DENND6A: variants seen among roughly 807,000 people sequenced by gnomAD.
DENND6A encodes the protein protein DENND6A.
Under a neutral mutation model 95.5 loss-of-function variants are expected in DENND6A, and 43 were observed. The observed-to-expected ratio is 0.45, with a 90% CI of 0.35 to 0.58. The LOEUF (loss-of-function observed/expected upper bound fraction) is 0.58, where lower values mean the gene tolerates loss of function less well. DENND6A is among the 20% of genes least tolerant of loss of function. DENND6A has a pLI of 0.00. For missense variants in DENND6A, 574 were observed against 736.0 expected, an observed-to-expected ratio of 0.78 and a Z score of 2.55; for synonymous variants, 257 against 260.4, an observed-to-expected ratio of 0.99 and a Z score of 0.13.
intron 1 of DENND6A, among the ~76,000 whole-genome samples, chr3:57,678,608 T>G (rs1317900879): frequency 6.6e-6 from 1 of 152,108 alleles, no homozygotes; most frequent in Non-Finnish European, 1.5e-5. Flanking sequence ...AGGTCATGAG[T>G]GTAGAGCTCA....
chr3:57,680,441 C>A (rs543534382), intron 1 of DENND6A, among the ~76,000 whole-genome samples: 1 of 152,176 alleles, frequency 6.6e-6, no homozygotes, highest in Non-Finnish European at 1.5e-5. Context: ...CAAAGAGACC[C>A]GAGAGCTAGC....
intron 10 of DENND6A, among the ~76,000 whole-genome samples, 169 bp downstream of exon 10, chr3:57,646,147 A>T (rs1189189991): frequency 6.6e-6 from 1 of 152,224 alleles, no homozygotes; most frequent in Non-Finnish European, 1.5e-5. Flanking sequence ...TCTCATCCAT[A>T]AAATGGTGCT....
At chr3:57,685,080 ATT>A (rs555883578) in intron 1 of DENND6A, among the ~76,000 whole-genome samples, 1 of 142,430 alleles carries the variant, frequency 7.0e-6, no homozygotes. Context: ...TGCCTGGCTA[ATT>A]TTTTTTTTTT....
At chr3:57,667,697 C>T (rs1184541000) in intron 3 of DENND6A, among the ~76,000 whole-genome samples, 2 of 152,098 alleles carry the variant, frequency 1.3e-5, no homozygotes, top group African/African-American at 4.8e-5. Context: ...GTTACTGTTC[C>T]ATAACCAAAT....
rs369478530 is a variant in DENND6A, at chr3:57,692,656, G to A, written c.237+126C>T. On this transcript the variant is annotated intron_variant, in intron 1 of 19. Transcript: ENST00000311128. ...CGCAGCCCGAAAGAGCGCGGGAGGG[G>A]AGACTGGCCACGCCCGGATGCGCCG... The A allele has an allele frequency of 9.4e-5, 79 of 842,296 alleles. 2 individuals are homozygous for A. In the South Asian group the frequency reaches 1.6e-3, roughly 17 times the overall value. The allele number at this position is 842,296 out of a possible 1,614,324, so 52.2% of individuals were successfully genotyped here. A position where few individuals can be genotyped will look rare whatever the true frequency, so the allele number is the denominator to read the frequency against.
At chr3:57,649,630 GAAAA>G (rs10576642) in intron 9 of DENND6A, among the ~76,000 whole-genome samples, 1 of 146,306 alleles carries the variant, frequency 6.8e-6, no homozygotes, top group African/African-American at 2.5e-5. Flanking sequence ...ATCAATGAGT[GAAAA>G]AAAAAAAATA....
intron 5 of DENND6A, 110 bp downstream of exon 5, chr3:57,663,526 T>C (rs1205244466): frequency 8.2e-6 from 4 of 488,680 alleles, no homozygotes; most frequent in Non-Finnish European, 1.4e-5. Context: ...ATATATAGCA[T>C]GTTTAAAGAT....
chr3:57,666,152 A>T lies in DENND6A; in HGVS notation c.403T>A (p.Phe135Ile). Residue 135 changes from phenylalanine (F) to isoleucine (I), a missense_variant, in exon 4 of 20, where the codon TTT becomes ATT. Around this residue, in one of 2 missense-constraint regions of DENND6A, gnomAD observed 452 missense variants for 630.9 expected, o/e 0.72. Coordinates refer to ENST00000311128, the MANE Select transcript of DENND6A (RefSeq NM_152678.3). ...AAGTAAACTGGTAAATCTTTGTCAAATTGATCCAGGAGACAATGCAGCGAC... is the reference window on the plus strand; with the variant it reads ...AAGTAAACTGGTAAATCTTTGTCAATTTGATCCAGGAGACAATGCAGCGAC... ...RVSLHCLLDQ[F>I]DKDLPVYLKK... 6.2e-7 allele frequency: 1 copy of T among 1,613,882 alleles called. No homozygotes were observed. Among genetic ancestry groups the T allele is most frequent in the Non-Finnish European group, 8.5e-7 (1 of 1,179,872 alleles).
chr3:57,674,068 T>C, intron 1 of DENND6A, among the ~76,000 whole-genome samples: 1 of 151,324 alleles, frequency 6.6e-6, no homozygotes, highest in East Asian at 2.0e-4. Flanking sequence ...CCGTGCCCAG[T>C]CAAGAATATT....
Position 57,646,426 on chromosome 3 carries a change from T to A in DENND6A, c.831A>T (p.Pro277=). ...AGAGCATCTGACTATGAAGGAAAAC[T>A]GGGCAGAAACACCTGAAAGGTGATG... ...HEVDIFRCFC[P]VFLHSQMLWE... is the part of the protein sequence containing the mutation. Residue 277 remains proline, a synonymous_variant, in exon 10 of 20, where the codon CCA becomes CCT. Transcript: ENST00000311128. 2 of 1,613,142 alleles carry A rather than the reference T, an allele frequency of 1.2e-6. No individual in the cohort carries two copies. Among genetic ancestry groups the A allele is most frequent in the African/African-American group, 1.3e-5 (1 of 74,978 alleles).
chr3:57,675,796 T>A (rs1019480247), intron 1 of DENND6A, among the ~76,000 whole-genome samples: 6 of 152,176 alleles, frequency 3.9e-5, no homozygotes, highest in Non-Finnish European at 7.4e-5. Context: ...TTTATCAAAG[T>A]GACAAAAATT....
At chr3:57,629,684 T>A (rs2070622303) in intron 18 of DENND6A, among the ~76,000 whole-genome samples, 1 of 150,646 alleles carries the variant, frequency 6.6e-6, no homozygotes, top group Non-Finnish European at 1.5e-5. Context: ...GCTAATTTTT[T>A]TTTTTTTTTT....
chr3:57,630,577 C>T, intron 17 of DENND6A, 54 bp from the exon 18 acceptor site: 5 of 1,539,000 alleles, frequency 3.2e-6, no homozygotes, highest in Non-Finnish European at 4.4e-6. Flanking sequence ...ATTTCCTTTC[C>T]TCAATACCTT....
At position 57,661,391 on chromosome 3, in the gene DENND6A, C is replaced by T. The variant is rs950672899; in HGVS notation, c.619+55G>A. 7 of 1,291,190 alleles carry T rather than the reference C, an allele frequency of 5.4e-6. No individual in the cohort carries two copies. In the African/African-American group the frequency reaches 9.3e-5, roughly 17 times the overall value. 80.0% of individuals were successfully genotyped at this position (1,291,190 alleles called of 1,614,324 possible). A position where few individuals can be genotyped will look rare whatever the true frequency, so the allele number is the denominator to read the frequency against. On this transcript the variant is annotated intron_variant, in intron 6 of 19. Transcript: ENST00000311128. Reference sequence around the variant, plus strand: ...TTATAAATCAACTTCATTTTTATCACTTATTTCCAGTAAAAATTTTAAAAC... The same window carrying T: ...TTATAAATCAACTTCATTTTTATCATTTATTTCCAGTAAAAATTTTAAAAC...
chr3:57,668,670 G>T lies in DENND6A; in HGVS notation c.320-2435C>A, dbSNP rs563624055. The stretch of plus-strand genomic sequence containing the variant: ...CTAAGGTGGCGGAGGGGCGGGGAAG[G>T]GCAAACGATTCCAATCTCAAAAGCA... On this transcript the variant is annotated intron_variant, in intron 3 of 19. Transcript: ENST00000311128. Among the ~76,000 whole-genome samples, 6 of 152,240 alleles carry T rather than the reference G, an allele frequency of 3.9e-5. No homozygotes were observed. In the South Asian group the frequency reaches 1.0e-3, roughly 26 times the overall value.
chr3:57,657,636 A>G lies in DENND6A; in HGVS notation c.818+44T>C, dbSNP rs1246968849. On this transcript the variant is annotated intron_variant, in intron 9 of 19. Coordinates refer to ENST00000311128, the MANE Select transcript of DENND6A (RefSeq NM_152678.3). ...TTTTAAATAAATTAACACCACCACC[A>G]CAAAGCAAAAGGAAGTCAGTTAATA... 5 of 1,323,522 alleles carry G rather than the reference A, an allele frequency of 3.8e-6. No homozygotes were observed. The African/African-American group carries it at 7.4e-5, about 20-fold the overall frequency. The allele number at this position is 1,323,522 out of a possible 1,614,324, so 82.0% of individuals were successfully genotyped here.
At chr3:57,671,090 T>C (rs2071608531) in intron 3 of DENND6A, among the ~76,000 whole-genome samples, 1 of 152,194 alleles carries the variant, frequency 6.6e-6, no homozygotes, top group African/African-American at 2.4e-5. Context: ...TTTTCTTTCA[T>C]ATAGTTCACC....
chr3:57,670,262 A>C (rs2071594555), intron 3 of DENND6A, among the ~76,000 whole-genome samples: 1 of 152,130 alleles, frequency 6.6e-6, no homozygotes, highest in Non-Finnish European at 1.5e-5. Flanking sequence ...TAACGAGAAA[A>C]GATTTAGTTC....
At chr3:57,682,423 T>A (rs2077175088) in intron 1 of DENND6A, among the ~76,000 whole-genome samples, 1 of 152,166 alleles carries the variant, frequency 6.6e-6, no homozygotes, top group South Asian at 2.1e-4. Context: ...TGCTTTGAAC[T>A]TTCCTGCTTC....
Sources: allele counts gnomAD v4.1 joint callset (sites outside exome capture counted in the v4.1 genomes callset), GRCh38; gene constraint gnomAD v4.1.1; regional missense constraint gnomAD v4.1.1; transcripts MANE v1.5; gene names NCBI Gene and HGNC (gene_info 2026-07-23, HGNC 2026-07-21).